DGKG: variants seen among roughly 807,000 people sequenced by gnomAD.
DGKG encodes diacylglycerol kinase gamma, also known as DAG kinase gamma.
In DGKG, 78 loss-of-function variants were observed where a neutral mutation model predicts 105.3. The ratio of observed to expected loss-of-function variants is 0.74; its 90% confidence interval spans 0.62 to 0.89. DGKG has a LOEUF of 0.89. Among genes scored for constraint, DGKG ranks in the 40% least tolerant of loss-of-function variants. DGKG has a pLI of 0.00. For synonymous variants in DGKG, 346 were observed against 367.1 expected (o/e 0.94, Z 0.66); for missense variants, 958 against 1,020.1 (o/e 0.94, Z 0.83).
intron 5 of DGKG, among the ~76,000 whole-genome samples, chr3:186,297,068 T>TCACTCACACACA (rs1723614061): frequency 7.7e-6 from 1 of 130,420 alleles, no homozygotes; most frequent in Non-Finnish European, 1.6e-5. Flanking sequence ...TCTGTCTCTC[T>TCACTCACACACA]CACACACACA....
In DGKG at chr3:186,231,438, A is replaced by AC. The variant is rs1720148450; in HGVS notation, c.1826+11065_1826+11066insG. Reference sequence around the variant, plus strand: ...TATGAGCCTCACTTTTCTCATCTGTAAGATGGATCAATAATACTTACACTT... The same window carrying AC: ...TATGAGCCTCACTTTTCTCATCTGTACAGATGGATCAATAATACTTACACTT... On this transcript the variant is annotated intron_variant, in intron 20 of 24. Transcript: ENST00000265022. This position sits in a 1 kb window ranked among gnomAD's most constrained non-coding sequence, Gnocchi z 4.5. Among the ~76,000 whole-genome samples, 1 of 152,160 alleles carries AC rather than the reference A, an allele frequency of 6.6e-6. No individual in the cohort carries two copies. Among genetic ancestry groups the AC allele is most frequent in the Non-Finnish European group, 1.5e-5 (1 of 68,038 alleles).
chr3:186,348,367 C>CTTTTT (rs1303442403), intron 1 of DGKG, among the ~76,000 whole-genome samples: 1 of 48,280 alleles, frequency 2.1e-5, no homozygotes, highest in African/African-American at 8.8e-5. Flanking sequence ...TTGCTGGGTG[C>CTTTTT]TTTTTTTTTT....
chr3:186,268,761 A>G, intron 12 of DGKG, 40 bp downstream of exon 12: 3 of 1,446,192 alleles, frequency 2.1e-6, no homozygotes, highest in Non-Finnish European at 2.9e-6. Context: ...GGGCAAAAAA[A>G]CGTTGAAAAG....
In DGKG at chr3:186,161,637, A is replaced by G; in HGVS notation, c.2243T>C (p.Val748Ala). The change falls in exon 24 of 25, where the codon GTG (valine) becomes GCG (alanine). Residue 748 changes from valine to alanine, a missense_variant. Physicochemically the swap from Val to Ala is moderately conservative, Grantham distance 64 (BLOSUM62 0). Transcript: ENST00000265022. Reference protein sequence around the residue: ...IRTNKLLPMQVDGEPWMQPCC... With the variant: ...IRTNKLLPMQADGEPWMQPCC... ...TGGCTGCATCCAGGGTTCTCCATCC[A>G]CTTGCATTGGCAGCAGCTTGTTTGT... 6.2e-7 allele frequency: 1 copy of G among 1,614,212 alleles called. No individual in the cohort carries two copies.
intron 22 of DGKG, among the ~76,000 whole-genome samples, chr3:186,179,430 C>T (rs933871721): frequency 1.3e-5 from 2 of 152,206 alleles, no homozygotes; most frequent in African/African-American, 4.8e-5. Flanking sequence ...GCCAAAAGAT[C>T]TGCATTTCTA....
intron 20 of DGKG, among the ~76,000 whole-genome samples, chr3:186,219,988 A>G (rs1719484711): frequency 6.6e-6 from 1 of 152,230 alleles, no homozygotes; most frequent in Admixed American, 6.5e-5. Context: ...GGAGTCCAGG[A>G]GCTGCTGTCA....
At chr3:186,335,968 C>A (rs2108655843) in intron 1 of DGKG, among the ~76,000 whole-genome samples, 1 of 152,266 alleles carries the variant, frequency 6.6e-6, no homozygotes, top group South Asian at 2.1e-4. Flanking sequence ...CTGAACTGTG[C>A]CAATCAGATC....
At chr3:186,187,722 G>T (rs1231320153) in intron 22 of DGKG, among the ~76,000 whole-genome samples, 2 of 152,162 alleles carry the variant, frequency 1.3e-5, no homozygotes, top group African/African-American at 2.4e-5. Flanking sequence ...CCTGCCTGGG[G>T]ATCCTCCAGC....
intron 5 of DGKG, among the ~76,000 whole-genome samples, chr3:186,289,922 G>A (rs1311728024): frequency 2.0e-5 from 3 of 152,162 alleles, no homozygotes; most frequent in African/African-American, 7.2e-5. Flanking sequence ...TAGGCAAGCA[G>A]GGCTGTGCTA....
intron 11 of DGKG, among the ~76,000 whole-genome samples, chr3:186,270,869 G>A (rs1722281540): frequency 6.6e-6 from 1 of 152,214 alleles, no homozygotes; most frequent in South Asian, 2.1e-4. Flanking sequence ...AGTGTGCCCT[G>A]CTGGCCCCTC....
rs1401052230 is a variant in DGKG, at chr3:186,361,541, G to T, written c.-249+405C>A. 1.3e-5 allele frequency among the ~76,000 whole-genome samples: 2 copies of T among 152,210 alleles called. No individual in the cohort carries two copies. Among genetic ancestry groups the T allele is most frequent in the African/African-American group, 4.8e-5 (2 of 41,466 alleles). On this transcript the variant is annotated intron_variant, in intron 1 of 24. Coordinates refer to ENST00000265022, the MANE Select transcript of DGKG (RefSeq NM_001346.3). This position sits in a 1 kb window ranked among gnomAD's most constrained non-coding sequence, Gnocchi z 6.8. ...CGGAGGCTTTGGCGGCCAGACATTAGGAAAAGCATCTCCTGCTTCTCGGAC... is the reference window on the plus strand; with the variant it reads ...CGGAGGCTTTGGCGGCCAGACATTATGAAAAGCATCTCCTGCTTCTCGGAC...
intron 1 of DGKG, among the ~76,000 whole-genome samples, chr3:186,326,651 C>T (rs1460935061): frequency 6.6e-6 from 1 of 152,160 alleles, no homozygotes; most frequent in African/African-American, 2.4e-5. Flanking sequence ...AATTGCCAGT[C>T]CACACCTCTG....
chr3:186,157,071 T>A (rs1465571351), intron 24 of DGKG, among the ~76,000 whole-genome samples: 1 of 151,998 alleles, frequency 6.6e-6, no homozygotes, highest in Non-Finnish European at 1.5e-5. Flanking sequence ...ACATGTCTTG[T>A]TCATGATTTT....
Position 186,203,775 on chromosome 3 carries a change from T to G in DGKG, c.1917+8020A>C, listed in dbSNP as rs1047033558. On this transcript the variant is annotated intron_variant, in intron 21 of 24. Transcript: ENST00000265022. This position sits in a 1 kb window ranked among gnomAD's most constrained non-coding sequence, Gnocchi z 4.9. ...ACGAACTCAAAATCCCTTCTAATGC[T>G]CTTCTCAACTTTCCCTTCCCCATGC... 6.6e-6 allele frequency among the ~76,000 whole-genome samples: 1 copy of G among 152,230 alleles called. No homozygotes were observed. Among genetic ancestry groups the G allele is most frequent in the East Asian group, 1.9e-4 (1 of 5,196 alleles).
chr3:186,184,973 T>C (rs1442440478), intron 22 of DGKG, among the ~76,000 whole-genome samples: 1 of 152,144 alleles, frequency 6.6e-6, no homozygotes, highest in Non-Finnish European at 1.5e-5. Flanking sequence ...TAGACCAAAA[T>C]CTGACTATGC....
chr3:186,199,741 G>A (rs956191110), intron 21 of DGKG, among the ~76,000 whole-genome samples: 4 of 152,034 alleles, frequency 2.6e-5, no homozygotes, highest in African/African-American at 9.7e-5. Context: ...TTGAACACCT[G>A]ACCTCAGACA....
chr3:186,160,456 C>G (rs1025642786), intron 24 of DGKG: 2 of 985,214 alleles, frequency 2.0e-6, no homozygotes, highest in Non-Finnish European at 2.4e-6. Flanking sequence ...AGGTGGAAAG[C>G]TATTATTTGA....
In DGKG at chr3:186,147,471, G is replaced by C. The variant is rs1352207072; in HGVS notation, c.*2619C>G. The C allele has an allele frequency of 4.1e-6, 4 of 985,266 alleles. No individual in the cohort carries two copies. Among genetic ancestry groups the C allele is most frequent in the Non-Finnish European group, 4.8e-6 (4 of 829,868 alleles). 61.0% of individuals were successfully genotyped at this position (985,266 alleles called of 1,614,324 possible). ...TCCACCACAAGAAACCACAGTCATA[G>C]TGTTTAAAGGATGATTTGCAAGGCA... On this transcript the variant is annotated 3_prime_UTR_variant, in exon 25 of 25. Coordinates refer to ENST00000265022, the MANE Select transcript of DGKG (RefSeq NM_001346.3).
chr3:186,161,578 C>T, intron 24 of DGKG, 25 bp downstream of exon 24: 1 of 1,614,044 alleles, frequency 6.2e-7, no homozygotes, highest in South Asian at 1.1e-5. Flanking sequence ...TTCTCATCCC[C>T]ATCTCAAAGA....
Sources: allele counts gnomAD v4.1 joint callset (sites outside exome capture counted in the v4.1 genomes callset), GRCh38; gene constraint gnomAD v4.1.1; non-coding constraint Gnocchi (gnomAD v3.1); transcripts MANE v1.5; gene names NCBI Gene and HGNC (gene_info 2026-07-23, HGNC 2026-07-21).